NELL1: variants seen among roughly 807,000 people sequenced by gnomAD.
NELL1 encodes neural EGFL like 1.
Under a neutral mutation model 107.4 loss-of-function variants are expected in NELL1, and 76 were observed. That is an observed-to-expected ratio of 0.71 (90% CI 0.59 to 0.86). The LOEUF (loss-of-function observed/expected upper bound fraction) is 0.86. Ranked by LOEUF, NELL1 falls within the 40% of genes least tolerant of loss-of-function variation. The probability of loss-of-function intolerance (pLI) is 0.00; values close to 1 mark genes in which losing one functional copy is unlikely to be tolerated. For missense variants in NELL1, 1,024 were observed against 1,005.5 expected (o/e 1.02, Z -0.25); for synonymous variants, 353 against 341.2 (o/e 1.03, Z -0.38).
chr11:21,320,173 T>C (rs967699047), intron 14 of NELL1, among the ~76,000 whole-genome samples: 1 of 152,118 alleles, frequency 6.6e-6, no homozygotes, highest in African/African-American at 2.4e-5. Flanking sequence ...TGATAACAGT[T>C]ATATGGTTGC....
At chr11:20,848,188 A>G (rs1334917507) in intron 4 of NELL1, among the ~76,000 whole-genome samples, 1 of 152,222 alleles carries the variant, frequency 6.6e-6, no homozygotes, top group Non-Finnish European at 1.5e-5. Flanking sequence ...ATTTCACTTC[A>G]TCAAGCTCAC....
chr11:21,419,411 C>A lies in NELL1; in HGVS notation c.1645+48463C>A, dbSNP rs565683036. On this transcript the variant is annotated intron_variant, in intron 15 of 19. Coordinates refer to ENST00000357134, the MANE Select transcript of NELL1 (RefSeq NM_006157.5). The stretch of plus-strand genomic sequence containing the variant: ...ATTTTTGTGTAATAATGCTAGCCTG[C>A]ACATTAGGAAAAAGAAACTTCTAAG... Among the ~76,000 whole-genome samples, 3 of 152,150 alleles carry A rather than the reference C, an allele frequency of 2.0e-5. No homozygotes were observed. The South Asian group carries it at 6.2e-4, about 32-fold the overall frequency.
chr11:21,367,881 C>G (rs1851265116), intron 14 of NELL1, among the ~76,000 whole-genome samples: 1 of 152,068 alleles, frequency 6.6e-6, no homozygotes, highest in Admixed American at 6.6e-5. Context: ...TGACCCAGCT[C>G]CTTGTTTTGC....
intron 13 of NELL1, among the ~76,000 whole-genome samples, chr11:21,135,896 C>T (rs552253777): frequency 6.6e-6 from 1 of 152,210 alleles, no homozygotes; most frequent in South Asian, 2.1e-4. Context: ...TGGTGTTTCA[C>T]TTTCATATCT....
chr11:21,085,158 T>A (rs1854360704), intron 12 of NELL1, among the ~76,000 whole-genome samples: 1 of 152,218 alleles, frequency 6.6e-6, no homozygotes, highest in Admixed American at 6.5e-5. Flanking sequence ...GTACCTATAA[T>A]ATGTTCAACA....
chr11:20,859,036 A>T (rs910774962), intron 4 of NELL1, among the ~76,000 whole-genome samples: 5 of 152,180 alleles, frequency 3.3e-5, no homozygotes, highest in African/African-American at 1.2e-4. Context: ...CCCTGTTAGT[A>T]CCTGTGCCTG....
At chr11:20,703,633 A>G (rs202072407) in intron 2 of NELL1, among the ~76,000 whole-genome samples, 1 of 152,012 alleles carries the variant, frequency 6.6e-6, no homozygotes, top group African/African-American at 2.4e-5. Context: ...TTTCTCTTGT[A>G]GGCATTTAGT....
chr11:20,991,808 A>G (rs1304893915), intron 12 of NELL1, among the ~76,000 whole-genome samples: 1 of 152,284 alleles, frequency 6.6e-6, no homozygotes, highest in East Asian at 1.9e-4. Flanking sequence ...ATCATTATGC[A>G]TGTTACTTGC....
At chr11:20,983,772 C>T (rs1393893160) in intron 12 of NELL1, among the ~76,000 whole-genome samples, 2 of 148,620 alleles carry the variant, frequency 1.3e-5, no homozygotes, top group African/African-American at 2.5e-5. Context: ...GGATGTTGTA[C>T]ACAGAGTAAT....
chr11:21,509,680 A>ACTGG (rs1375788770), intron 15 of NELL1, among the ~76,000 whole-genome samples: 2 of 152,218 alleles, frequency 1.3e-5, no homozygotes, highest in African/African-American at 4.8e-5. Flanking sequence ...GAATGATAAA[A>ACTGG]CTACAGTCAA....
rs1163644356 is a variant in NELL1, at chr11:21,489,380, CAAAAAAAAAAAAAAA to C, written c.1646-44980_1646-44966del. Among the ~76,000 whole-genome samples the C allele has an allele frequency of 3.1e-4, 15 of 47,790 alleles. No individual in the cohort carries two copies. The Admixed American group carries it at 3.4e-3, about 11-fold the overall frequency. The allele number at this position is 47,790 out of a possible 152,430, so 31.4% of individuals were successfully genotyped here. ...AACACCAATCTTCCTGAAAGTATTT[CAAAAAAAAAAAAAAA>C]AAAAAAAAAAAAACAGAAGAAAAGG... On this transcript the variant is annotated intron_variant, in intron 15 of 19. Coordinates refer to ENST00000357134, the MANE Select transcript of NELL1 (RefSeq NM_006157.5).
At chr11:21,494,373 G>A (rs1854919071) in intron 15 of NELL1, among the ~76,000 whole-genome samples, 1 of 151,862 alleles carries the variant, frequency 6.6e-6, no homozygotes, top group Non-Finnish European at 1.5e-5. Context: ...TCATAATTTT[G>A]AAGTTATCCT....
chr11:20,852,651 G>T (rs1488676948), intron 4 of NELL1, among the ~76,000 whole-genome samples: 1 of 152,144 alleles, frequency 6.6e-6, no homozygotes. Context: ...GACTATCAAA[G>T]GTCTCAGCTT....
intron 19 of NELL1, among the ~76,000 whole-genome samples, chr11:21,574,302 A>T (rs539390474): frequency 3.0e-4 from 45 of 151,826 alleles, no homozygotes; most frequent in African/African-American, 1.1e-3. Context: ...CCCCAGTAGA[A>T]AAAGGATACT....
chr11:21,476,529 G>C (rs1489912659), intron 15 of NELL1, among the ~76,000 whole-genome samples: 1 of 152,102 alleles, frequency 6.6e-6, no homozygotes, highest in Non-Finnish European at 1.5e-5. Flanking sequence ...AAAAATGATA[G>C]AGAAATGGAG....
intron 2 of NELL1, among the ~76,000 whole-genome samples, chr11:20,696,202 C>G (rs896215943): frequency 2.0e-5 from 3 of 151,954 alleles, no homozygotes; most frequent in Admixed American, 6.6e-5. Context: ...CTCTATTGAT[C>G]TTGTTTATAC....
At chr11:21,332,115 G>T (rs552221059) in intron 14 of NELL1, among the ~76,000 whole-genome samples, 3 of 152,100 alleles carry the variant, frequency 2.0e-5, no homozygotes, top group African/African-American at 4.8e-5. Context: ...AGCTCTTACT[G>T]ATCAGAACTT....
intron 2 of NELL1, among the ~76,000 whole-genome samples, chr11:20,743,684 T>C (rs1176254521): frequency 6.6e-6 from 1 of 152,162 alleles, no homozygotes; most frequent in Non-Finnish European, 1.5e-5. Flanking sequence ...TCAGCTTCTG[T>C]ATCTTCAAAT....
At chr11:21,524,533 ACAATCACTTG>A (rs1239443584) in intron 15 of NELL1, among the ~76,000 whole-genome samples, 1 of 152,174 alleles carries the variant, frequency 6.6e-6, no homozygotes, top group African/African-American at 2.4e-5. Context: ...TAATTTAAAA[ACAATCACTTG>A]CAGGGCGGGA....
Sources: allele counts gnomAD v4.1 joint callset (sites outside exome capture counted in the v4.1 genomes callset), GRCh38; gene constraint gnomAD v4.1.1; transcripts MANE v1.5; gene names NCBI Gene and HGNC (gene_info 2026-07-23, HGNC 2026-07-21).